ZNF516: variants seen among roughly 807,000 people sequenced by gnomAD.
ZNF516 encodes the protein zinc finger protein 516.
Under a neutral mutation model 79.7 loss-of-function variants are expected in ZNF516, and 19 were observed. The ratio of observed to expected loss-of-function variants is 0.24; its 90% confidence interval spans 0.17 to 0.35. The LOEUF (loss-of-function observed/expected upper bound fraction) is 0.35, where lower values mean the gene tolerates loss of function less well. Ranked by LOEUF, ZNF516 falls within the 10% of genes least tolerant of loss-of-function variation. ZNF516 has a pLI of 1.00. For missense variants in ZNF516, 1,678 were observed against 1,679.5 expected, an observed-to-expected ratio of 1.00 and a Z score of 0.02; for synonymous variants, 877 against 739.5, an observed-to-expected ratio of 1.19 and a Z score of -3.02.
At chr18:76,395,403 G>A (rs934967267) in intron 3 of ZNF516, among the ~76,000 whole-genome samples, 3 of 152,168 alleles carry the variant, frequency 2.0e-5, no homozygotes, top group African/African-American at 4.8e-5. Context: ...GGATGAATGA[G>A]GTGAGTAGGA....
intron 3 of ZNF516, among the ~76,000 whole-genome samples, chr18:76,403,945 G>GC (rs2075265932): frequency 6.6e-6 from 1 of 152,254 alleles, no homozygotes. Flanking sequence ...CAAGGACTAA[G>GC]CATCCTGCGG....
At chr18:76,453,394 A>T (rs1308591822) in intron 2 of ZNF516, among the ~76,000 whole-genome samples, 2 of 152,202 alleles carry the variant, frequency 1.3e-5, no homozygotes, top group East Asian at 1.9e-4. Flanking sequence ...CCTTCCCACA[A>T]AAACAGAACA....
At chr18:76,458,712 G>A (rs963565723) in intron 2 of ZNF516, among the ~76,000 whole-genome samples, 75 of 147,776 alleles carry the variant, frequency 5.1e-4, no homozygotes, top group Non-Finnish European at 8.8e-4. Flanking sequence ...GTGCCTCACC[G>A]TCGTGCGTGT....
chr18:76,439,622 G>C (rs903118420), intron 3 of ZNF516, among the ~76,000 whole-genome samples: 6 of 152,108 alleles, frequency 3.9e-5, no homozygotes, highest in Non-Finnish European at 8.8e-5. Context: ...GGAATCATTT[G>C]ATCTTTCCAA....
intron 3 of ZNF516, among the ~76,000 whole-genome samples, chr18:76,419,840 G>A (rs984663391): frequency 6.6e-6 from 1 of 152,332 alleles, no homozygotes; most frequent in Admixed American, 6.5e-5. Context: ...CATGAGAAGA[G>A]ACTAATACAA....
intron 2 of ZNF516, among the ~76,000 whole-genome samples, chr18:76,449,289 TCTAGAGC>T (rs1912254943): frequency 6.6e-6 from 1 of 152,186 alleles, no homozygotes; most frequent in East Asian, 1.9e-4. Flanking sequence ...GACCCCGGTG[TCTAGAGC>T]CCTGAGCCCT....
rs1321193440 is a variant in ZNF516, at chr18:76,487,898, A to C, written c.-272+7246T>G. 3.1e-6 allele frequency: 3 copies of C among 983,108 alleles called. No homozygotes were observed. The East Asian group carries it at 3.4e-4, about 111-fold the overall frequency. The allele number at this position is 983,108 out of a possible 1,614,324, so 60.9% of individuals were successfully genotyped here. ...CACTTTCGGCCAGTCAGGTGGAAGGACTGAGGATGAGAGCCCCCAGGAGGG... is the reference window on the plus strand; with the variant it reads ...CACTTTCGGCCAGTCAGGTGGAAGGCCTGAGGATGAGAGCCCCCAGGAGGG... On this transcript the variant is annotated intron_variant, in intron 1 of 6. Transcript: ENST00000443185.
In ZNF516 at chr18:76,361,763, A is replaced by C. The variant is rs1568225188; in HGVS notation, c.*735T>G. On this transcript the variant is annotated 3_prime_UTR_variant, in exon 7 of 7. Coordinates refer to ENST00000443185, the MANE Select transcript of ZNF516 (RefSeq NM_014643.4). Reference sequence around the variant, plus strand: ...TTGCGCTAGCTCTCTTCCGAGGCGGAATCTACGCATTCCCACAGACGTGTC... The same window carrying C: ...TTGCGCTAGCTCTCTTCCGAGGCGGCATCTACGCATTCCCACAGACGTGTC... The C allele has an allele frequency of 6.6e-6, 1 of 152,242 alleles. No individual in the cohort carries two copies. Among genetic ancestry groups the C allele is most frequent in the Non-Finnish European group, 1.5e-5 (1 of 68,064 alleles). 9.4% of individuals were successfully genotyped at this position (152,242 alleles called of 1,614,324 possible). A position where few individuals can be genotyped will look rare whatever the true frequency, so the allele number is the denominator to read the frequency against.
chr18:76,470,843 TCTC>T (rs1344240712), intron 1 of ZNF516, among the ~76,000 whole-genome samples: 5 of 152,020 alleles, frequency 3.3e-5, no homozygotes, highest in African/African-American at 1.2e-4. Context: ...GGAAACCCCG[TCTC>T]TACTAAAAAA....
intron 3 of ZNF516, chr18:76,388,036 G>A (rs1221751596): frequency 1.3e-5 from 2 of 152,352 alleles, no homozygotes; most frequent in Admixed American, 1.3e-4. Context: ...AACATCGAGA[G>A]GAGTATGGCT....
intron 3 of ZNF516, among the ~76,000 whole-genome samples, chr18:76,404,273 C>T (rs889984358): frequency 6.6e-6 from 1 of 152,284 alleles, no homozygotes; most frequent in South Asian, 2.1e-4. Context: ...TCCACACACG[C>T]CTGGGGGAGA....
Position 76,493,458 on chromosome 18 carries a change from T to G in ZNF516, c.-272+1686A>C, listed in dbSNP as rs1316256738. 6.6e-6 allele frequency: 1 copy of G among 152,450 alleles called. No homozygotes were observed. Among genetic ancestry groups the G allele is most frequent in the African/African-American group, 2.4e-5 (1 of 41,442 alleles). 9.4% of individuals were successfully genotyped at this position (152,450 alleles called of 1,614,324 possible). On this transcript the variant is annotated intron_variant, in intron 1 of 6. Transcript: ENST00000443185. This position sits in a 1 kb window ranked among gnomAD's most constrained non-coding sequence, Gnocchi z 5.2. ...AGGTCAGATTGTAACAAACACTCGTTCCTAATTTATGAACTCGCCGTTTTG... is the reference window on the plus strand; with the variant it reads ...AGGTCAGATTGTAACAAACACTCGTGCCTAATTTATGAACTCGCCGTTTTG...
chr18:76,367,617 C>T (rs1223129750), intron 6 of ZNF516, among the ~76,000 whole-genome samples: 1 of 152,138 alleles, frequency 6.6e-6, no homozygotes, highest in East Asian at 1.9e-4. Flanking sequence ...GACGCCCATC[C>T]CTCCGCCCCT....
rs1342127030 is a variant in ZNF516, at chr18:76,491,062, G to A, written c.-272+4082C>T. 8 of 985,338 alleles carry A rather than the reference G, an allele frequency of 8.1e-6. No individual in the cohort carries two copies. The East Asian group carries it at 3.4e-4, about 42-fold the overall frequency. The allele number at this position is 985,338 out of a possible 1,614,324, so 61.0% of individuals were successfully genotyped here. On this transcript the variant is annotated intron_variant, in intron 1 of 6. Transcript: ENST00000443185. ...CGCTCGCGGGCGCAGGACCGGTTCA[G>A]GTGTGAACACTTATGTAATCGTCCT... is the stretch of plus-strand genomic sequence containing the variant.
intron 2 of ZNF516, among the ~76,000 whole-genome samples, chr18:76,447,468 T>G (rs757654238): frequency 2.0e-5 from 3 of 152,204 alleles, no homozygotes; most frequent in Admixed American, 6.5e-5. Flanking sequence ...CTATTCCACT[T>G]TCTCAAACGC....
In ZNF516 at chr18:76,371,501, G is replaced by A. The variant is rs375291838; in HGVS notation, c.3330C>T (p.Pro1110=). 8.3e-5 allele frequency: 134 copies of A among 1,609,866 alleles called. No homozygotes were observed. Among genetic ancestry groups the A allele is most frequent in the East Asian group, 3.6e-4 (16 of 44,868 alleles). ...CCCGCATGTGGGCCCTGAGGTGGCC[G>A]GGCTGGTGGAAGCTCTTTCCGCACT... is the stretch of plus-strand genomic sequence containing the variant. The part of the protein sequence containing the change: ...CIECGKSFHQ[P]GHLRAHMRAH... Residue 1110 remains proline, a synonymous_variant, in exon 5 of 7, where the codon CCC becomes CCT. Coordinates refer to ENST00000443185, the MANE Select transcript of ZNF516 (RefSeq NM_014643.4).
Position 76,442,312 on chromosome 18 carries a change from A to T in ZNF516, c.743T>A (p.Phe248Tyr). ...NGKPELSPGE[F>Y]PCEVCGQAFS... is the part of the protein sequence containing the mutation. Reference sequence around the variant, plus strand: ...GGCCTGGCCACACACCTCGCACGGGAACTCCCCGGGGCTCAGCTCGGGCTT... The same window carrying T: ...GGCCTGGCCACACACCTCGCACGGGTACTCCCCGGGGCTCAGCTCGGGCTT... The change falls in exon 3 of 7, where the codon TTC becomes TAC. Residue 248 changes from phenylalanine (F) to tyrosine (Y), a missense_variant. Coordinates refer to ENST00000443185, the MANE Select transcript of ZNF516 (RefSeq NM_014643.4). The T allele has an allele frequency of 6.2e-7, 1 of 1,612,114 alleles. No individual in the cohort carries two copies. Among genetic ancestry groups the T allele is most frequent in the Non-Finnish European group, 8.5e-7 (1 of 1,179,450 alleles).
rs1479208846 is a variant in ZNF516 at position 76,362,231 on chromosome 18, G to A, written c.*267C>T. 2 of 405,162 alleles carry A rather than the reference G, an allele frequency of 4.9e-6. No individual in the cohort carries two copies. Among genetic ancestry groups the A allele is most frequent in the Admixed American group, 7.5e-5 (2 of 26,572 alleles). The allele number at this position is 405,162 out of a possible 1,614,324, so 25.1% of individuals were successfully genotyped here. A position where few individuals can be genotyped will look rare whatever the true frequency, so the allele number is the denominator to read the frequency against. On this transcript the variant is annotated 3_prime_UTR_variant, in exon 7 of 7. Coordinates refer to ENST00000443185, the MANE Select transcript of ZNF516 (RefSeq NM_014643.4). ...TATTATAAGAAAATATGGGACTATG[G>A]ACGATGAGCACGTAAATGCGTATAT... is the stretch of plus-strand genomic sequence containing the variant.
intron 1 of ZNF516, among the ~76,000 whole-genome samples, chr18:76,484,430 C>T (rs973329418): frequency 6.6e-6 from 1 of 152,206 alleles, no homozygotes; most frequent in Non-Finnish European, 1.5e-5. Context: ...CTTTCCTTCA[C>T]GGTCATTACA....
Sources: allele counts gnomAD v4.1 joint callset (sites outside exome capture counted in the v4.1 genomes callset), GRCh38; gene constraint gnomAD v4.1.1; non-coding constraint Gnocchi (gnomAD v3.1); transcripts MANE v1.5; gene names NCBI Gene and HGNC (gene_info 2026-07-23, HGNC 2026-07-21).